CAGE1: variants seen among roughly 807,000 people sequenced by gnomAD.
The protein encoded by CAGE1 is cancer-associated gene 1 protein.
In CAGE1, 66 loss-of-function variants were observed where a neutral mutation model predicts 94.9. That is an observed-to-expected ratio of 0.70 (90% CI 0.57 to 0.85). The LOEUF (loss-of-function observed/expected upper bound fraction) is 0.85, where lower values mean the gene tolerates loss of function less well. Ranked by LOEUF, CAGE1 falls within the 40% of genes least tolerant of loss-of-function variation. The pLI, the probability that CAGE1 is intolerant of heterozygous loss-of-function variation, is 0.00. For synonymous variants in CAGE1, 319 were observed against 321.0 expected, an observed-to-expected ratio of 0.99 and a Z score of 0.07; for missense variants, 865 against 950.4, an observed-to-expected ratio of 0.91 and a Z score of 1.18.
intron 11 of CAGE1, among the ~76,000 whole-genome samples, chr6:7,345,624 G>A (rs1019712584): frequency 3.3e-5 from 5 of 152,222 alleles, no homozygotes; most frequent in Admixed American, 2.6e-4. Context: ...AACGTCTAAG[G>A]CCTGTGAACG....
chr6:7,379,814 A>G (rs1343460743), intron 3 of CAGE1, among the ~76,000 whole-genome samples: 1 of 152,220 alleles, frequency 6.6e-6, no homozygotes, highest in Non-Finnish European at 1.5e-5. Flanking sequence ...TCATTTTGTG[A>G]CACCCTTAAT....
intron 5 of CAGE1, among the ~76,000 whole-genome samples, chr6:7,370,730 G>A (rs1448521430): frequency 6.6e-6 from 1 of 152,100 alleles, no homozygotes; most frequent in Non-Finnish European, 1.5e-5. Context: ...TCTCATATTT[G>A]CTTCACACAT....
At chr6:7,348,947 C>G (rs1418752969) in intron 11 of CAGE1, among the ~76,000 whole-genome samples, 1 of 152,138 alleles carries the variant, frequency 6.6e-6, no homozygotes, top group Non-Finnish European at 1.5e-5. Flanking sequence ...AATCGGTGTT[C>G]CTGAGGAAGA....
At chr6:7,385,990 T>G in intron 2 of CAGE1, 118 bp from the exon 3 acceptor site, 2 of 525,066 alleles carry the variant, frequency 3.8e-6, no homozygotes, top group Non-Finnish European at 6.4e-6. Context: ...AGGTAGAATG[T>G]GCTTTCTAGT....
At chr6:7,351,976 A>G (rs1254288765) in intron 11 of CAGE1, among the ~76,000 whole-genome samples, 3 of 152,192 alleles carry the variant, frequency 2.0e-5, no homozygotes, top group East Asian at 1.9e-4. Flanking sequence ...CTGGAACAAG[A>G]CAAGGATGCC....
At chr6:7,350,752 A>C (rs1437770774) in intron 11 of CAGE1, among the ~76,000 whole-genome samples, 1 of 152,206 alleles carries the variant, frequency 6.6e-6, no homozygotes, top group Non-Finnish European at 1.5e-5. Context: ...TCTGGAGTAC[A>C]GCAAAGGTGG....
At chr6:7,352,320 A>AACAAAAC (rs1554137901) in intron 11 of CAGE1, among the ~76,000 whole-genome samples, 18 of 148,354 alleles carry the variant, frequency 1.2e-4, no homozygotes, top group South Asian at 2.1e-4. Flanking sequence ...AAAAAACAAA[A>AACAAAAC]AAAAAAAACC....
chr6:7,348,398 C>T (rs1350125013), intron 11 of CAGE1, among the ~76,000 whole-genome samples: 1 of 152,186 alleles, frequency 6.6e-6, no homozygotes, highest in East Asian at 1.9e-4. Context: ...AAGGGAACAC[C>T]CCATGGGACA....
rs372487437 is a variant in CAGE1, at chr6:7,385,792, C to T, written c.276G>A (p.Leu92=). 2.3e-5 allele frequency: 35 copies of T among 1,528,788 alleles called. No homozygotes were observed. In the African/African-American group the frequency reaches 4.0e-4, roughly 18 times the overall value. 94.7% of individuals were successfully genotyped at this position (1,528,788 alleles called of 1,614,324 possible). A position where few individuals can be genotyped will look rare whatever the true frequency, so the allele number is the denominator to read the frequency against. Residue 92 remains leucine (L), a synonymous_variant, in exon 3 of 14, where the codon TTG becomes TTA. Coordinates refer to ENST00000502583, the MANE Select transcript of CAGE1 (RefSeq NM_001170692.2). ...CEDAYGTLDN[L]LNDNNIENYS... is the part of the protein sequence containing the mutation. ...TAACAAGTAGATACTTACCATTTAA[C>T]AAATTGTCTAGTGTGCCATAAGCAT...
chr6:7,355,026 GT>G lies in CAGE1; in HGVS notation c.2369+14del. 1.3e-6 allele frequency: 2 copies of G among 1,581,228 alleles called. No individual in the cohort carries two copies. Among genetic ancestry groups the G allele is most frequent in the Non-Finnish European group, 8.6e-7 (1 of 1,156,804 alleles). ...TAAATATTCACAAAATTAAGGATTC[GT>G]TTTTTCAACTTACTGTGCAATCTGG... is the stretch of plus-strand genomic sequence containing the variant. On this transcript the variant is annotated intron_variant, in intron 11 of 13. Transcript: ENST00000502583.
chr6:7,361,184 G>A (rs553151221), intron 9 of CAGE1, among the ~76,000 whole-genome samples: 6 of 152,194 alleles, frequency 3.9e-5, no homozygotes, highest in African/African-American at 1.4e-4. Flanking sequence ...TTCTAAAAGA[G>A]GAACTTGTCC....
At chr6:7,358,025 G>GAGATAT (rs1377236818) in intron 9 of CAGE1, among the ~76,000 whole-genome samples, 85 of 20,254 alleles carry the variant, frequency 4.2e-3, no homozygotes, top group Admixed American at 0.016. Context: ...GGTAAGTTTT[G>GAGATAT]AGATATATAT....
chr6:7,368,996 T>G (rs1425298319), intron 6 of CAGE1, among the ~76,000 whole-genome samples, 198 bp from the exon 7 acceptor site: 1 of 144,928 alleles, frequency 6.9e-6, no homozygotes, highest in African/African-American at 2.5e-5. Flanking sequence ...AAAGATTTCA[T>G]TTTTTTTATT....
chr6:7,367,234 A>C (rs1014571060), intron 7 of CAGE1, among the ~76,000 whole-genome samples: 1 of 151,978 alleles, frequency 6.6e-6, no homozygotes, highest in East Asian at 1.9e-4. Flanking sequence ...ACACAGAAAA[A>C]ATTAACCAAA....
intron 11 of CAGE1, among the ~76,000 whole-genome samples, chr6:7,345,949 C>T (rs941519759): frequency 1.4e-4 from 22 of 151,904 alleles, no homozygotes; most frequent in Non-Finnish European, 2.1e-4. Context: ...TACAGTATAG[C>T]CTATGAATGC....
intron 11 of CAGE1, among the ~76,000 whole-genome samples, chr6:7,335,366 T>C (rs1758918769): frequency 6.6e-6 from 1 of 152,166 alleles, no homozygotes; most frequent in African/African-American, 2.4e-5. Flanking sequence ...TGAGAGGATA[T>C]GAAATTCTAC....
chr6:7,334,611 C>A (rs187089577), intron 11 of CAGE1, among the ~76,000 whole-genome samples: 62 of 150,848 alleles, frequency 4.1e-4, no homozygotes, highest in African/African-American at 1.4e-3. Context: ...GCCTGTGATC[C>A]CAGCTACTTG....
At chr6:7,327,241 C>T (rs1330026975) in intron 13 of CAGE1, among the ~76,000 whole-genome samples, 1 of 152,032 alleles carries the variant, frequency 6.6e-6, no homozygotes, top group Non-Finnish European at 1.5e-5. Context: ...TCAGTAGAGA[C>T]GGGGTTTCAC....
At chr6:7,384,335 G>A (rs372063219) in intron 3 of CAGE1, among the ~76,000 whole-genome samples, 3 of 152,118 alleles carry the variant, frequency 2.0e-5, no homozygotes, top group Non-Finnish European at 2.9e-5. Flanking sequence ...CCTCGGCAGC[G>A]CTTATTTTTC....
Sources: allele counts gnomAD v4.1 joint callset (sites outside exome capture counted in the v4.1 genomes callset), GRCh38; gene constraint gnomAD v4.1.1; transcripts MANE v1.5; gene names NCBI Gene and HGNC (gene_info 2026-07-23, HGNC 2026-07-21).